Variants in RAPGEF4 observed in about 807,000 individuals in gnomAD.
The protein encoded by RAPGEF4 is Rap guanine nucleotide exchange factor 4, also known as RAP guanine-nucleotide-exchange factor (GEF) 4.
A neutral mutation model predicts 147.9 loss-of-function variants in RAPGEF4; 66 were observed. The observed-to-expected ratio is 0.45, with a 90% CI of 0.37 to 0.55. RAPGEF4 has a LOEUF of 0.55. RAPGEF4 is among the 20% of genes least tolerant of loss of function. RAPGEF4 has a pLI of 0.00. For synonymous variants in RAPGEF4, 419 were observed against 442.7 expected (o/e 0.95, Z 0.67); for missense variants, 1,071 against 1,257.3 (o/e 0.85, Z 2.24).
intron 6 of RAPGEF4, among the ~76,000 whole-genome samples, chr2:172,945,539 A>G (rs1362615473): frequency 6.6e-6 from 1 of 152,112 alleles, no homozygotes; most frequent in Non-Finnish European, 1.5e-5. Flanking sequence ...ACAATTTTCA[A>G]TCAATACAGA....
chr2:172,913,678 A>G (rs1683705432), intron 4 of RAPGEF4, among the ~76,000 whole-genome samples: 1 of 151,938 alleles, frequency 6.6e-6, no homozygotes, highest in African/African-American at 2.4e-5. Flanking sequence ...GATTGTTTGT[A>G]TGGTTTTTTG....
At chr2:172,745,576 C>CT (rs1190183768) in intron 1 of RAPGEF4, among the ~76,000 whole-genome samples, 1 of 149,484 alleles carries the variant, frequency 6.7e-6, no homozygotes, top group South Asian at 2.1e-4. Flanking sequence ...TTTTTTTTTC[C>CT]TTTTTTCTCC....
At chr2:172,736,725 T>G (rs1693814280) in intron 1 of RAPGEF4, among the ~76,000 whole-genome samples, 1 of 152,242 alleles carries the variant, frequency 6.6e-6, no homozygotes, top group Non-Finnish European at 1.5e-5. Context: ...GTGTTAACAG[T>G]GGATTGCAGT....
At chr2:172,871,625 C>CTTT (rs57511364) in intron 4 of RAPGEF4, among the ~76,000 whole-genome samples, 3 of 132,328 alleles carry the variant, frequency 2.3e-5, no homozygotes, top group African/African-American at 5.5e-5. Flanking sequence ...AAAAAGCAGA[C>CTTT]TTTTTTTTTT....
intron 6 of RAPGEF4, among the ~76,000 whole-genome samples, chr2:172,955,803 T>C (rs1349199789): frequency 3.9e-5 from 6 of 152,058 alleles, no homozygotes; most frequent in Non-Finnish European, 8.8e-5. Context: ...CGGGAGGATA[T>C]GGTGTAGGGA....
At chr2:173,031,424 G>A (rs1487374255) in intron 26 of RAPGEF4, among the ~76,000 whole-genome samples, 1 of 152,202 alleles carries the variant, frequency 6.6e-6, no homozygotes, top group Admixed American at 6.5e-5. Context: ...CAAGGCTCTT[G>A]GGATTGCTGG....
intron 23 of RAPGEF4, among the ~76,000 whole-genome samples, chr2:173,025,125 T>C (rs1013280887): frequency 6.6e-6 from 1 of 152,216 alleles, no homozygotes; most frequent in Non-Finnish European, 1.5e-5. Context: ...GGGTGTCACA[T>C]GTGTTGTTGC....
chr2:172,969,106 T>C lies in RAPGEF4; in HGVS notation c.1004+1662T>C, dbSNP rs960732535. On this transcript the variant is annotated intron_variant, in intron 10 of 30. Transcript: ENST00000397081. ...GGGCTGCCAAACACACTGCAGTACCTAGGAACCCAACACAATAAAGAGCTG... is the reference window on the plus strand; with the variant it reads ...GGGCTGCCAAACACACTGCAGTACCCAGGAACCCAACACAATAAAGAGCTG... 3.3e-5 allele frequency among the ~76,000 whole-genome samples: 5 copies of C among 152,196 alleles called. No individual in the cohort carries two copies. In the South Asian group the frequency reaches 6.2e-4, roughly 19 times the overall value.
At chr2:173,009,714 C>G (rs1335440844) in intron 17 of RAPGEF4, among the ~76,000 whole-genome samples, 4 of 152,166 alleles carry the variant, frequency 2.6e-5, no homozygotes, top group Non-Finnish European at 5.9e-5. Flanking sequence ...TCTGCTCAGT[C>G]GCAGTGAGCC....
intron 4 of RAPGEF4, among the ~76,000 whole-genome samples, chr2:172,839,220 G>A (rs2676525): frequency 0.48 from 72,870 of 151,828 alleles, 17,880 homozygotes; most frequent in East Asian, 0.57. Flanking sequence ...GTCCAAGAAC[G>A]CCAAGAGAGG....
intron 29 of RAPGEF4, among the ~76,000 whole-genome samples, chr2:173,040,892 C>T (rs1247557895): frequency 6.6e-6 from 1 of 152,096 alleles, no homozygotes; most frequent in African/African-American, 2.4e-5. Flanking sequence ...ATATTTATAA[C>T]ATTTAGGAGG....
At chr2:173,010,210 G>A (rs758582871) in intron 17 of RAPGEF4, among the ~76,000 whole-genome samples, 1 of 152,236 alleles carries the variant, frequency 6.6e-6, no homozygotes, top group Non-Finnish European at 1.5e-5. Flanking sequence ...ATGTGTCAGT[G>A]ATAAGTTTGG....
At position 172,896,415 on chromosome 2, in the gene RAPGEF4, G is replaced by A. The variant is rs188825611; in HGVS notation, c.445-21387G>A. 1.3e-3 allele frequency among the ~76,000 whole-genome samples: 198 copies of A among 152,190 alleles called. 1 individual carries two copies. Among genetic ancestry groups the A allele is most frequent in the African/African-American group, 4.7e-3 (194 of 41,530 alleles). On this transcript the variant is annotated intron_variant, in intron 4 of 30. Coordinates refer to ENST00000397081, the MANE Select transcript of RAPGEF4 (RefSeq NM_007023.4). Reference sequence around the variant, plus strand: ...TGTTTAATTCTCTTACTCACATTTTGTATTAAGCATATTCCTTTGTATACA... The same window carrying A: ...TGTTTAATTCTCTTACTCACATTTTATATTAAGCATATTCCTTTGTATACA...
At chr2:172,970,693 A>G (rs1378848408) in intron 10 of RAPGEF4, among the ~76,000 whole-genome samples, 1 of 152,206 alleles carries the variant, frequency 6.6e-6, no homozygotes, top group Non-Finnish European at 1.5e-5. Context: ...TCTGTTTATT[A>G]CATTAACTGC....
intron 6 of RAPGEF4, among the ~76,000 whole-genome samples, chr2:172,944,157 T>C (rs569553320): frequency 2.0e-5 from 3 of 152,284 alleles, no homozygotes; most frequent in Admixed American, 2.0e-4. Context: ...CTTCCTTCTG[T>C]TCTTGGTAAA....
intron 1 of RAPGEF4, among the ~76,000 whole-genome samples, chr2:172,788,904 A>G (rs1280107551): frequency 6.6e-6 from 1 of 151,890 alleles, no homozygotes; most frequent in Non-Finnish European, 1.5e-5. Context: ...AATAAAATAA[A>G]ATAAAATAAA....
At chr2:173,022,221 G>C (rs147428175) in intron 23 of RAPGEF4, among the ~76,000 whole-genome samples, 159 of 152,344 alleles carry the variant, frequency 1.0e-3, no homozygotes, top group Non-Finnish European at 1.9e-3. Flanking sequence ...GCAGACACAG[G>C]GAGTGCAGAC....
intron 4 of RAPGEF4, among the ~76,000 whole-genome samples, chr2:172,864,836 T>C (rs147195576): frequency 5.3e-4 from 80 of 152,290 alleles, no homozygotes; most frequent in African/African-American, 1.7e-3. Flanking sequence ...ACCTGGGAGA[T>C]AGAGGTTGCA....
At chr2:172,736,071 C>CG (rs1559013132) in intron 1 of RAPGEF4, 23 bp downstream of exon 1, 2 of 1,454,988 alleles carry the variant, frequency 1.4e-6, no homozygotes, top group South Asian at 2.6e-5. Context: ...GGGCCGCAGC[C>CG]GGGGGCCGAG....
Sources: gnomAD v4.1 joint callset for allele counts (sites outside exome capture counted in the v4.1 genomes callset) on GRCh38, gnomAD v4.1.1 for gene constraint, MANE v1.5 for transcripts, NCBI Gene and HGNC (gene_info 2026-07-23, HGNC 2026-07-21) for gene names.